The following ANO7 variants were observed in gnomAD, a reference collection of about 807,000 sequenced individuals.
The protein encoded by ANO7 is anoctamin 7.
In ANO7, 114 loss-of-function variants were observed where a neutral mutation model predicts 115.8. That is an observed-to-expected ratio of 0.98 (90% CI 0.85 to 1.15). ANO7 has a LOEUF of 1.15. Among genes scored for constraint, ANO7 ranks in the 50% most tolerant of loss-of-function variants. The probability of loss-of-function intolerance (pLI) is 0.00; values close to 1 mark genes in which losing one functional copy is unlikely to be tolerated. For missense variants in ANO7, 1,302 were observed against 1,201.2 expected, an observed-to-expected ratio of 1.08 and a Z score of -1.24; for synonymous variants, 550 against 498.2, an observed-to-expected ratio of 1.10 and a Z score of -1.38.
chr2:241,203,365 G>T lies in ANO7; in HGVS notation c.756G>T (p.Gln252His). ...TCAAGACGCCCCCAGAGGGCCCGCA[G>T]GCTCCACGCCTCAACCAGCGCCAAG... is the stretch of plus-strand genomic sequence containing the variant. ...GPFKTPPEGP[Q>H]APRLNQRQVL... The change falls in exon 9 of 25, where the codon CAG (glutamine) becomes CAT (histidine). Residue 252 changes from glutamine (Q) to histidine (H), a missense_variant. Coordinates refer to ENST00000674324, the MANE Select transcript of ANO7 (RefSeq NM_001370694.2). The surrounding 1 kb of genome is among the most constrained non-coding windows in gnomAD (Gnocchi z 4.8). The T allele has an allele frequency of 6.3e-7, 1 of 1,586,956 alleles. No homozygotes were observed.
chr2:241,226,814 C>CTCT (rs2069190790), downstream of ANO7, among the ~76,000 whole-genome samples: 1 of 152,190 alleles, frequency 6.6e-6, no homozygotes, highest in Non-Finnish European at 1.5e-5. Flanking sequence ...TCCCTCTTGA[C>CTCT]TCTTCCCGTT....
intron 2 of ANO7, 87 bp from the exon 3 acceptor site, chr2:241,191,107 G>A: frequency 6.7e-7 from 1 of 1,482,060 alleles, no homozygotes; most frequent in Non-Finnish European, 9.3e-7. Context: ...TGGAGGCGAG[G>A]ACGGCTTCAG....
the ANO7 span, chr2:241,233,799 C>T: frequency 1.3e-5 from 21 of 1,613,738 alleles, no homozygotes; most frequent in Middle Eastern, 1.7e-4. This position sits in a 1 kb window ranked among gnomAD's most constrained non-coding sequence, Gnocchi z 4.3. Context: ...GCCCCCGACA[C>T]GCTCCAACCG....
chr2:241,238,929 G>A, the ANO7 span: 3 of 623,488 alleles, frequency 4.8e-6, no homozygotes, highest in Non-Finnish European at 7.8e-6. This position sits in a 1 kb window ranked among gnomAD's most constrained non-coding sequence, Gnocchi z 4.9. Context: ...CGAGTCCAGG[G>A]CTCCAGGCGC....
the ANO7 span, among the ~76,000 whole-genome samples, chr2:241,234,671 A>G: frequency 1.1e-4 from 17 of 152,304 alleles, no homozygotes; most frequent in Middle Eastern, 3.4e-3. Context: ...CGCTCATACA[A>G]TCCTTCAAAC....
chr2:241,195,718 T>A lies in ANO7; in HGVS notation c.182T>A (p.Val61Asp). The A allele has an allele frequency of 6.2e-7, 1 of 1,614,086 alleles. No homozygotes were observed. The highest frequency in any genetic ancestry group is 2.2e-5 in the East Asian group (1 of 44,886). Reference protein sequence around the residue: ...AKPRIADFVLVWEEDLKLDRQ... With the variant: ...AKPRIADFVLDWEEDLKLDRQ... The stretch of plus-strand genomic sequence containing the variant: ...TGGCTCCCAGCAGACTTCGTCCTCG[T>A]TTGGGAGGAGGACCTGAAGCTAGAC... Residue 61 changes from valine to aspartate, a missense_variant, in exon 4 of 25, where the codon GTT becomes GAT. Physicochemically the swap from Val to Asp is radical, Grantham distance 152. Coordinates refer to ENST00000674324, the MANE Select transcript of ANO7 (RefSeq NM_001370694.2).
rs563131391 is a variant in ANO7, at chr2:241,225,868, G to A, written c.*1715G>A. On this transcript the variant is annotated 3_prime_UTR_variant, in exon 25 of 25. Coordinates refer to ENST00000674324, the MANE Select transcript of ANO7 (RefSeq NM_001370694.2). ...ACCTTGGAAACTTTACACAGATGGGGAGCTCAGCCATTCCACGTGTGCTTT... is the reference window on the plus strand; with the variant it reads ...ACCTTGGAAACTTTACACAGATGGGAAGCTCAGCCATTCCACGTGTGCTTT... 1.8e-3 allele frequency among the ~76,000 whole-genome samples: 269 copies of A among 152,320 alleles called. 1 individual carries two copies. The highest frequency in any genetic ancestry group is 3.0e-3 in the Non-Finnish European group (203 of 68,022).
chr2:241,206,593 G>A (rs1299093604), intron 10 of ANO7, among the ~76,000 whole-genome samples: 1 of 47,672 alleles, frequency 2.1e-5, no homozygotes, highest in Admixed American at 2.2e-4. Context: ...CAGTCTGACA[G>A]GTGGACAGGA....
downstream of ANO7, chr2:241,230,283 A>G (rs763889313): frequency 2.0e-6 from 3 of 1,503,016 alleles, no homozygotes; most frequent in Non-Finnish European, 2.7e-6. The surrounding 1 kb of genome is among the most constrained non-coding windows in gnomAD (Gnocchi z 5.0). Context: ...GAAGGGGTGT[A>G]CAACGTCAGA....
chr2:241,196,372 G>C (rs997383594), intron 4 of ANO7, among the ~76,000 whole-genome samples: 1 of 152,106 alleles, frequency 6.6e-6, no homozygotes, highest in South Asian at 2.1e-4. Context: ...GGCAGCTGGG[G>C]ATTGGGGTGC....
intron 19 of ANO7, 117 bp downstream of exon 19, chr2:241,216,355 G>A (rs1037960537): frequency 7.5e-7 from 1 of 1,328,972 alleles, no homozygotes; most frequent in African/African-American, 1.5e-5. Context: ...CCTGAAATGT[G>A]CTGTGGGGGT....
chr2:241,226,518 G>T (rs566878954), downstream of ANO7, among the ~76,000 whole-genome samples: 3 of 151,590 alleles, frequency 2.0e-5, no homozygotes. Context: ...TCTGCCTCCC[G>T]GGTTCACGCC....
intron 1 of ANO7, among the ~76,000 whole-genome samples, chr2:241,189,226 G>A (rs1023723492): frequency 5.9e-5 from 9 of 152,180 alleles, no homozygotes; most frequent in African/African-American, 1.7e-4. Context: ...GACCTGGCTC[G>A]GGCTTCAGGG....
In ANO7 at chr2:241,216,093, G is replaced by C. The variant is rs200270665; in HGVS notation, c.1827G>C (p.Pro609=). 1.2e-6 allele frequency: 2 copies of C among 1,603,458 alleles called. No individual in the cohort carries two copies. Among genetic ancestry groups the C allele is most frequent in the East Asian group, 2.2e-5 (1 of 44,812 alleles). The change falls in exon 19 of 25, where the codon CCG becomes CCC. Residue 609 remains proline (P), a splice_region_variant and synonymous_variant. Coordinates refer to ENST00000674324, the MANE Select transcript of ANO7 (RefSeq NM_001370694.2). Reference sequence around the variant, plus strand: ...CATTTTCCTGTATTCCCGTCCCCAGGAAGCTAAAGGGCTGGTGGCAGAAGT... The same window carrying C: ...CATTTTCCTGTATTCCCGTCCCCAGCAAGCTAAAGGGCTGGTGGCAGAAGT... The part of the protein sequence containing the change: ...VINNMQEVLI[P]KLKGWWQKFR...
Position 241,209,485 on chromosome 2 carries a change from G to A in ANO7, c.1222-13G>A, listed in dbSNP as rs754467687. ...CCGGCGAGGGCCGCCACTGAGCACC[G>A]GCTCCCTTCCAGGAGAGGCCTCGGC... On this transcript the variant is annotated splice_polypyrimidine_tract_variant and intron_variant, in intron 12 of 24. Coordinates refer to ENST00000674324, the MANE Select transcript of ANO7 (RefSeq NM_001370694.2). The A allele has an allele frequency of 6.3e-5, 101 of 1,598,414 alleles. No homozygotes were observed. Among genetic ancestry groups the A allele is most frequent in the South Asian group, 8.9e-5 (8 of 89,730 alleles).
At chr2:241,218,509 G>C (rs1165814639) in intron 21 of ANO7, 128 bp downstream of exon 21, 15 of 796,852 alleles carry the variant, frequency 1.9e-5, no homozygotes, top group Non-Finnish European at 2.0e-5. Context: ...GGCCGGGGGA[G>C]GGGGGGAGCT....
intron 3 of ANO7, among the ~76,000 whole-genome samples, chr2:241,194,072 G>A (rs190197473): frequency 0.014 from 2,169 of 151,710 alleles, 83 homozygotes; most frequent in East Asian, 0.12. Context: ...ACAGGGTTTC[G>A]CCATGTTGGC....
Position 241,216,158 on chromosome 2 carries a change from C to T in ANO7, c.1892C>T (p.Ala631Val), listed in dbSNP as rs773195661. Reference protein sequence around the residue: ...RSKKRKAGASAGASQGPWEDD... With the variant: ...RSKKRKAGASVGASQGPWEDD... Reference sequence around the variant, plus strand: ...AAGAAGAGGAAGGCGGGAGCTTCTGCAGGGGCTAGCCAGGGGCCCTGGGAG... The same window carrying T: ...AAGAAGAGGAAGGCGGGAGCTTCTGTAGGGGCTAGCCAGGGGCCCTGGGAG... Residue 631 changes from alanine to valine, a missense_variant, in exon 19 of 25, where the codon GCA (alanine) becomes GTA (valine). Physicochemically the swap from Ala to Val is moderately conservative, Grantham distance 64. Transcript: ENST00000674324. The T allele has an allele frequency of 1.2e-6, 2 of 1,613,290 alleles. No individual in the cohort carries two copies. Among genetic ancestry groups the T allele is most frequent in the Admixed American group, 3.3e-5 (2 of 59,992 alleles).
chr2:241,212,011 G>A, intron 15 of ANO7, 83 bp from the exon 16 acceptor site: 1 of 953,282 alleles, frequency 1.0e-6, no homozygotes, highest in South Asian at 1.3e-5. Context: ...CCCGTGTGTG[G>A]CAAGGTGGTC....
Sources: allele counts gnomAD v4.1 joint callset (sites outside exome capture counted in the v4.1 genomes callset), GRCh38; gene constraint gnomAD v4.1.1; non-coding constraint Gnocchi (gnomAD v3.1); transcripts MANE v1.5; gene names NCBI Gene and HGNC (gene_info 2026-07-23, HGNC 2026-07-21).